PTPRD: variants seen among roughly 807,000 people sequenced by gnomAD.
PTPRD encodes receptor-type tyrosine-protein phosphatase delta.
A neutral mutation model predicts 214.5 loss-of-function variants in PTPRD; 34 were observed. The ratio of observed to expected loss-of-function variants is 0.16; its 90% CI spans 0.12 to 0.21. PTPRD has a LOEUF of 0.21. Among genes scored for constraint, PTPRD ranks in the 10% least tolerant of loss-of-function variants. The pLI is 1.00. For synonymous variants in PTPRD, 1,128 were observed against 845.7 expected, an observed-to-expected ratio of 1.33 and a Z score of -5.79; for missense variants, 2,545 against 2,398.7, an observed-to-expected ratio of 1.06 and a Z score of -1.27.
At chr9:10,465,789 A>G (rs542384202) in intron 2 of PTPRD, among the ~76,000 whole-genome samples, 3 of 152,148 alleles carry the variant, frequency 2.0e-5, no homozygotes, top group Non-Finnish European at 4.4e-5. Flanking sequence ...CACATTCTCA[A>G]TTTCACACAA....
chr9:10,510,705 G>T (rs2047710344), intron 2 of PTPRD, among the ~76,000 whole-genome samples: 1 of 152,066 alleles, frequency 6.6e-6, no homozygotes, highest in Non-Finnish European at 1.5e-5. Context: ...ATTTCTTTGT[G>T]TTGGAAACAT....
chr9:10,430,875 G>C (rs2098670905), intron 2 of PTPRD, among the ~76,000 whole-genome samples: 2 of 151,864 alleles, frequency 1.3e-5, no homozygotes, highest in Non-Finnish European at 2.9e-5. Context: ...ACAACACTTA[G>C]TGATAAAGAA....
intron 11 of PTPRD, among the ~76,000 whole-genome samples, chr9:8,925,921 T>C (rs1567037760): frequency 6.6e-6 from 1 of 150,588 alleles, no homozygotes; most frequent in Non-Finnish European, 1.5e-5. Flanking sequence ...ATTAAGTACA[T>C]TTTCCATTCT....
intron 8 of PTPRD, among the ~76,000 whole-genome samples, chr9:9,494,103 GA>G (rs1170537797): frequency 6.6e-6 from 1 of 152,112 alleles, no homozygotes; most frequent in Non-Finnish European, 1.5e-5. Flanking sequence ...ACTGGAGCTG[GA>G]AGATGTAACT....
intron 6 of PTPRD, among the ~76,000 whole-genome samples, chr9:9,743,548 C>A (rs923913724): frequency 1.3e-5 from 2 of 151,904 alleles, no homozygotes; most frequent in African/African-American, 2.4e-5. Flanking sequence ...CCCTAAGGGC[C>A]CATTTCTCTG....
chr9:9,742,568 C>T (rs1389639953), intron 6 of PTPRD, among the ~76,000 whole-genome samples: 2 of 152,074 alleles, frequency 1.3e-5, no homozygotes, highest in Non-Finnish European at 1.5e-5. Context: ...AAAGGTAGCT[C>T]TTGTTTAGGA....
chr9:10,178,890 G>T (rs916823910), intron 3 of PTPRD, among the ~76,000 whole-genome samples: 2 of 151,824 alleles, frequency 1.3e-5, no homozygotes, highest in Non-Finnish European at 2.9e-5. Context: ...ACAATATATA[G>T]ATAAGTAAAA....
intron 4 of PTPRD, among the ~76,000 whole-genome samples, chr9:9,974,776 A>C (rs902485920): frequency 6.6e-6 from 1 of 152,064 alleles, no homozygotes; most frequent in African/African-American, 2.4e-5. Flanking sequence ...CTTCTTACCT[A>C]TTGGTTGACA....
At chr9:8,649,736 TATAGA>T (rs748357141) in intron 12 of PTPRD, among the ~76,000 whole-genome samples, 3 of 152,240 alleles carry the variant, frequency 2.0e-5, no homozygotes, top group Middle Eastern at 3.2e-3. Context: ...AAAGATTAAT[TATAGA>T]ATAGAGTTTT....
In PTPRD at chr9:8,362,818, C is replaced by T. The variant is rs144679985; in HGVS notation, c.4661+13118G>A. Among the ~76,000 whole-genome samples the T allele has an allele frequency of 3.2e-3, 492 of 152,292 alleles. 4 individuals carry two copies. The highest frequency in any genetic ancestry group is 0.011 in the African/African-American group (454 of 41,560). On this transcript the variant is annotated intron_variant, in intron 39 of 45. Transcript: ENST00000381196. ...ACTTCAGTCAAGTGAGTGACTTGCA[C>T]AAGATCATACAGTTTTATCCAATAT... is the stretch of plus-strand genomic sequence containing the variant.
chr9:9,833,678 C>T (rs1365951125), intron 5 of PTPRD, among the ~76,000 whole-genome samples: 4 of 112,986 alleles, frequency 3.5e-5, no homozygotes, highest in East Asian at 4.4e-4. Flanking sequence ...AGGTACGCTC[C>T]GGAGAGGGGG....
intron 9 of PTPRD, among the ~76,000 whole-genome samples, chr9:9,338,796 A>T (rs998161989): frequency 2.6e-5 from 4 of 152,192 alleles, no homozygotes; most frequent in African/African-American, 9.6e-5. Context: ...GCAACCATCA[A>T]CCCATCATCT....
chr9:10,001,835 A>C (rs537220854), intron 4 of PTPRD, among the ~76,000 whole-genome samples: 2 of 152,228 alleles, frequency 1.3e-5, no homozygotes, highest in Admixed American at 1.3e-4. Flanking sequence ...CTAGACAGTA[A>C]CTTGAGTCCA....
At chr9:9,132,206 T>G (rs1278352335) in intron 10 of PTPRD, among the ~76,000 whole-genome samples, 4 of 152,154 alleles carry the variant, frequency 2.6e-5, no homozygotes, top group African/African-American at 9.7e-5. Flanking sequence ...AGAGGGGGTT[T>G]CACCGTGTTA....
intron 14 of PTPRD, among the ~76,000 whole-genome samples, chr9:8,554,065 G>A (rs2140932830): frequency 6.6e-6 from 1 of 152,240 alleles, no homozygotes; most frequent in Non-Finnish European, 1.5e-5. Flanking sequence ...TTGCACGCCT[G>A]TAATCCCAGC....
chr9:10,491,339 C>T (rs2040156726), intron 2 of PTPRD, among the ~76,000 whole-genome samples: 1 of 152,006 alleles, frequency 6.6e-6, no homozygotes, highest in Admixed American at 6.6e-5. Flanking sequence ...ATTTTAGACT[C>T]TAATGTCTAA....
intron 4 of PTPRD, among the ~76,000 whole-genome samples, chr9:10,011,447 A>AT (rs1567075873): frequency 6.6e-6 from 1 of 151,904 alleles, no homozygotes; most frequent in South Asian, 2.1e-4. Flanking sequence ...ATTCTAACTC[A>AT]TTTTTTGCTT....
At chr9:10,505,025 G>A (rs2045431633) in intron 2 of PTPRD, among the ~76,000 whole-genome samples, 2 of 152,136 alleles carry the variant, frequency 1.3e-5, no homozygotes, top group Admixed American at 1.3e-4. Context: ...CAATCTTAAT[G>A]CAAGAGCTGT....
chr9:9,836,551 T>C (rs1176598865), intron 5 of PTPRD, among the ~76,000 whole-genome samples: 1 of 152,136 alleles, frequency 6.6e-6, no homozygotes, highest in Non-Finnish European at 1.5e-5. Flanking sequence ...ATGGGGTGAC[T>C]GAACTTAAAA....
Sources: gnomAD v4.1 joint callset for allele counts (sites outside exome capture counted in the v4.1 genomes callset) on GRCh38, gnomAD v4.1.1 for gene constraint, MANE v1.5 for transcripts, NCBI Gene and HGNC (gene_info 2026-07-23, HGNC 2026-07-21) for gene names.